SPAG17: variants seen among roughly 807,000 people sequenced by gnomAD.
SPAG17 encodes sperm associated antigen 17.
A neutral mutation model predicts 273.6 loss-of-function variants in SPAG17; 169 were observed. The observed-to-expected ratio is 0.62, with a 90% confidence interval of 0.55 to 0.70. The LOEUF is 0.70. Ranked by LOEUF, SPAG17 falls within the 30% of genes least tolerant of loss-of-function variation. SPAG17 has a pLI of 0.00. For synonymous variants in SPAG17, 825 were observed against 873.2 expected (o/e 0.94, Z 0.97); for missense variants, 2,557 against 2,627.8 (o/e 0.97, Z 0.59).
At chr1:118,013,231 A>G (rs1173345232) in intron 29 of SPAG17, among the ~76,000 whole-genome samples, 1 of 152,160 alleles carries the variant, frequency 6.6e-6, no homozygotes, top group African/African-American at 2.4e-5. Context: ...TAAGGAACAT[A>G]ATGTTTCACT....
chr1:118,170,392 G>A (rs1660365829), intron 1 of SPAG17, among the ~76,000 whole-genome samples: 1 of 152,092 alleles, frequency 6.6e-6, no homozygotes, highest in Non-Finnish European at 1.5e-5. Flanking sequence ...TGAAGGAAGA[G>A]AAACAGTGGG....
At chr1:118,029,792 T>G (rs1200607273) in intron 25 of SPAG17, among the ~76,000 whole-genome samples, 1 of 152,236 alleles carries the variant, frequency 6.6e-6, no homozygotes, top group African/African-American at 2.4e-5. Context: ...AATTTGTGGA[T>G]ATTTGTTTTT....
At chr1:117,993,811 G>C (rs1657362604) in intron 35 of SPAG17, among the ~76,000 whole-genome samples, 1 of 152,122 alleles carries the variant, frequency 6.6e-6, no homozygotes, top group South Asian at 2.1e-4. Context: ...AAATGAAATG[G>C]TAAATTATGC....
At chr1:117,986,731 A>T (rs1001213716) in intron 40 of SPAG17, among the ~76,000 whole-genome samples, 2 of 152,172 alleles carry the variant, frequency 1.3e-5, no homozygotes, top group Non-Finnish European at 2.9e-5. Context: ...TCTGAAAATA[A>T]TGTGCTTCAG....
intron 7 of SPAG17, among the ~76,000 whole-genome samples, chr1:118,094,308 T>G (rs1655574758): frequency 6.6e-6 from 1 of 152,244 alleles, no homozygotes; most frequent in South Asian, 2.1e-4. Context: ...TTAACCTAGT[T>G]AATTCATTTT....
At chr1:118,176,688 T>C (rs1660713316) in intron 1 of SPAG17, among the ~76,000 whole-genome samples, 1 of 152,166 alleles carries the variant, frequency 6.6e-6, no homozygotes, top group Admixed American at 6.5e-5. Flanking sequence ...AAATACACAC[T>C]ATACCAAATA....
At chr1:118,058,419 C>T (rs941439279) in intron 18 of SPAG17, among the ~76,000 whole-genome samples, 3 of 152,144 alleles carry the variant, frequency 2.0e-5, no homozygotes, top group African/African-American at 7.2e-5. Flanking sequence ...GTTGCCCAGG[C>T]TGGTTTGAAA....
rs557114971 is a variant in SPAG17, at chr1:118,022,373, A to T, written c.4069+931T>A. Among the ~76,000 whole-genome samples, 36 of 152,282 alleles carry T rather than the reference A, an allele frequency of 2.4e-4. No individual in the cohort carries two copies. In the South Asian group the frequency reaches 7.0e-3, roughly 30 times the overall value. ...TATCTTACAAATTAAGATGAAAATG[A>T]TGACCATCACAATGGTAAACCAAGA... On this transcript the variant is annotated intron_variant, in intron 28 of 48. Transcript: ENST00000336338.
chr1:117,983,747 C>T lies in SPAG17; in HGVS notation c.5872+64G>A. The T allele has an allele frequency of 7.4e-6, 8 of 1,077,862 alleles. No individual in the cohort carries two copies. The South Asian group carries it at 1.3e-4, about 17-fold the overall frequency. 66.8% of individuals were successfully genotyped at this position (1,077,862 alleles called of 1,614,324 possible). A position where few individuals can be genotyped will look rare whatever the true frequency, so the allele number is the denominator to read the frequency against. Reference sequence around the variant, plus strand: ...CTATCACTGGTTATGTCCTAAGAGGCCACTGTTAGGTATTATTCAGTTACG... The same window carrying T: ...CTATCACTGGTTATGTCCTAAGAGGTCACTGTTAGGTATTATTCAGTTACG... On this transcript the variant is annotated intron_variant, in intron 42 of 48. Transcript: ENST00000336338.
chr1:118,158,967 TCAC>T, intron 1 of SPAG17, among the ~76,000 whole-genome samples: 1 of 152,346 alleles, frequency 6.6e-6, no homozygotes, highest in Non-Finnish European at 1.5e-5. Context: ...ACTTCCTGCT[TCAC>T]CCATGTGCCT....
At position 117,966,702 on chromosome 1, in the gene SPAG17, C is replaced by A; in HGVS notation, c.6439G>T (p.Val2147Phe). ...ELNIELFATA[V>F]GEDGAKGSAH... ...GATCCCTTGGCCCCATCCTCTCCAACAGCTGTGGCAAATAACTCTATATTC... is the reference window on the plus strand; with the variant it reads ...GATCCCTTGGCCCCATCCTCTCCAAAAGCTGTGGCAAATAACTCTATATTC... Residue 2147 changes from valine to phenylalanine, a missense_variant, in exon 47 of 49, where the codon GTT (valine) becomes TTT (phenylalanine). By Grantham distance (50) the Val-to-Phe change is conservative. Coordinates refer to ENST00000336338, the MANE Select transcript of SPAG17 (RefSeq NM_206996.4). 2.5e-6 allele frequency: 4 copies of A among 1,614,090 alleles called. No individual in the cohort carries two copies. Among genetic ancestry groups the A allele is most frequent in the Non-Finnish European group, 3.4e-6 (4 of 1,179,982 alleles).
chr1:118,157,460 G>C (rs1659710397), intron 1 of SPAG17, among the ~76,000 whole-genome samples: 2 of 152,116 alleles, frequency 1.3e-5, no homozygotes, highest in Non-Finnish European at 2.9e-5. Flanking sequence ...GGCAAGTATA[G>C]AGACCACTGA....
chr1:118,009,248 AACACAC>A lies in SPAG17; in HGVS notation c.4433-1056_4433-1051del, dbSNP rs55873088. ...AAGAGTGTAGACTTTAGGTGCTCAT[AACACAC>A]ACACACACACACACACACACACACA... is the stretch of plus-strand genomic sequence containing the variant. On this transcript the variant is annotated intron_variant, in intron 30 of 48. Coordinates refer to ENST00000336338, the MANE Select transcript of SPAG17 (RefSeq NM_206996.4). Among the ~76,000 whole-genome samples the A allele has an allele frequency of 6.2e-3, 878 of 142,660 alleles. 5 individuals are homozygous for A. The highest frequency in any genetic ancestry group is 0.02 in the East Asian group (98 of 4,898). The allele number at this position is 142,660 out of a possible 152,430, so 93.6% of individuals were successfully genotyped here.
At chr1:118,067,048 G>C in intron 17 of SPAG17, 149 bp from the exon 18 acceptor site, 2 of 702,572 alleles carry the variant, frequency 2.8e-6, no homozygotes, top group Non-Finnish European at 4.4e-6. Context: ...TTCTTTCCTA[G>C]CTGCTAGAAG....
rs1659919168 is a variant in SPAG17 at position 118,015,950 on chromosome 1, A to G, written c.4287+15T>C. 1.9e-6 allele frequency: 3 copies of G among 1,612,102 alleles called. No individual in the cohort carries two copies. Among genetic ancestry groups the G allele is most frequent in the Non-Finnish European group, 1.7e-6 (2 of 1,178,500 alleles). ...TGACTTAGAAAATTTTGCAATAAAC[A>G]ATAGTTTGTCATACCGTTCCATTGA... On this transcript the variant is annotated intron_variant, in intron 29 of 48. Coordinates refer to ENST00000336338, the MANE Select transcript of SPAG17 (RefSeq NM_206996.4).
At chr1:118,025,477 TCTTG>T in intron 26 of SPAG17, 61 bp from the exon 27 acceptor site, 1 of 1,156,332 alleles carries the variant, frequency 8.6e-7, no homozygotes, top group South Asian at 2.0e-5. Context: ...GATTTTATCA[TCTTG>T]CTTAATTATT....
At chr1:118,046,817 T>C (rs1036906764) in intron 20 of SPAG17, among the ~76,000 whole-genome samples, 7 of 152,182 alleles carry the variant, frequency 4.6e-5, no homozygotes, top group Non-Finnish European at 7.3e-5. Flanking sequence ...AGAGTGAATA[T>C]TAATGTTTCC....
intron 5 of SPAG17, among the ~76,000 whole-genome samples, chr1:118,100,909 T>C (rs530225534): frequency 2.1e-3 from 326 of 152,342 alleles, no homozygotes; most frequent in African/African-American, 7.6e-3. Context: ...CTATGTGCTC[T>C]ATGTGAGTCA....
At chr1:117,996,122 G>A (rs1657624409) in intron 34 of SPAG17, among the ~76,000 whole-genome samples, 1 of 152,050 alleles carries the variant, frequency 6.6e-6, no homozygotes, top group Admixed American at 6.6e-5. Context: ...TAGGAGAAGA[G>A]GGATACATAC....
Sources: gnomAD v4.1 joint callset for allele counts (sites outside exome capture counted in the v4.1 genomes callset) on GRCh38, gnomAD v4.1.1 for gene constraint, MANE v1.5 for transcripts, NCBI Gene and HGNC (gene_info 2026-07-23, HGNC 2026-07-21) for gene names.